TAMM41: variants seen among roughly 807,000 people sequenced by gnomAD.
The protein encoded by TAMM41 is phosphatidate cytidylyltransferase, mitochondrial.
Under a neutral mutation model 44.1 loss-of-function variants are expected in TAMM41, and 36 were observed. The observed-to-expected ratio is 0.82, with a 90% CI of 0.63 to 1.08. TAMM41 has a LOEUF of 1.08. Among genes scored for constraint, TAMM41 ranks in the 50% least tolerant of loss-of-function variants. The pLI, the probability that TAMM41 is intolerant of heterozygous loss-of-function variation, is 0.00. For synonymous variants in TAMM41, 164 were observed against 153.1 expected (o/e 1.07, Z -0.53); for missense variants, 417 against 404.3 (o/e 1.03, Z -0.27).
chr3:11,790,350 A>G, downstream of TAMM41: 1 of 723,362 alleles, frequency 1.4e-6, no homozygotes, highest in Admixed American at 2.4e-5. Context: ...TCCCAACTGG[A>G]TAAATGTCTG....
At chr3:11,771,876 C>G in the TAMM41 span, among the ~76,000 whole-genome samples, 1 of 152,054 alleles carries the variant, frequency 6.6e-6, no homozygotes, top group African/African-American at 2.4e-5. Flanking sequence ...AGCCACCACG[C>G]CCGGCCTGTT....
At chr3:11,777,928 C>T in the TAMM41 span, among the ~76,000 whole-genome samples, 3 of 152,158 alleles carry the variant, frequency 2.0e-5, no homozygotes, top group Non-Finnish European at 2.9e-5. Context: ...CCCCAAGCCC[C>T]CCATTACCCA....
rs1011855959 is a variant in TAMM41, at chr3:11,819,671, G to A, written c.563-2334C>T. 7.9e-5 allele frequency among the ~76,000 whole-genome samples: 12 copies of A among 152,068 alleles called. 2 individuals carry two copies. Among genetic ancestry groups the A allele is most frequent in the Admixed American group, 4.6e-4 (7 of 15,286 alleles). On this transcript the variant is annotated intron_variant, in intron 4 of 7. Coordinates refer to ENST00000455809, the MANE Select transcript of TAMM41 (RefSeq NM_001284401.2). ...GCACTTTGTGAGGCCAAGGCCGGGGGAATGTTTGAGCTCAGGAGTTCGAGA... is the reference window on the plus strand; with the variant it reads ...GCACTTTGTGAGGCCAAGGCCGGGGAAATGTTTGAGCTCAGGAGTTCGAGA...
intron 7 of TAMM41, among the ~76,000 whole-genome samples, chr3:11,803,193 A>T (rs2077803038): frequency 6.6e-6 from 1 of 152,070 alleles, no homozygotes; most frequent in South Asian, 2.1e-4. Flanking sequence ...AATTGCTTGA[A>T]CCCAGGAGGC....
At chr3:11,738,384 CT>C in the TAMM41 span, among the ~76,000 whole-genome samples, 1 of 152,206 alleles carries the variant, frequency 6.6e-6, no homozygotes, top group Non-Finnish European at 1.5e-5. Flanking sequence ...TAATACCCAT[CT>C]TTTAGGAAAG....
At chr3:11,749,176 G>A in the TAMM41 span, among the ~76,000 whole-genome samples, 1 of 152,114 alleles carries the variant, frequency 6.6e-6, no homozygotes, top group African/African-American at 2.4e-5. Flanking sequence ...GCCTACCAAA[G>A]TGCTGGGATT....
chr3:11,812,526 A>G (rs1379394866), intron 5 of TAMM41, among the ~76,000 whole-genome samples: 1 of 152,126 alleles, frequency 6.6e-6, no homozygotes, highest in East Asian at 1.9e-4. Context: ...ACTTGGGAAC[A>G]CTTTGCTTCC....
the TAMM41 span, among the ~76,000 whole-genome samples, chr3:11,756,016 A>G: frequency 1.3e-5 from 2 of 152,128 alleles, no homozygotes; most frequent in Admixed American, 6.5e-5. Flanking sequence ...CCTGGATTAG[A>G]ATTCCAGCTT....
At chr3:11,844,849 A>G (rs2079604921) in intron 1 of TAMM41, 1 of 451,944 alleles carries the variant, frequency 2.2e-6, no homozygotes, top group Non-Finnish European at 4.5e-6. Flanking sequence ...TAAACAAATT[A>G]TCACTACATT....
intron 3 of TAMM41, 34 bp downstream of exon 3, chr3:11,839,188 G>A: frequency 7.4e-7 from 1 of 1,359,056 alleles, no homozygotes; most frequent in Non-Finnish European, 1.0e-6. Context: ...GAGAGGAAAG[G>A]CATCCTTAAC....
chr3:11,737,781 A>G, the TAMM41 span, among the ~76,000 whole-genome samples: 1 of 152,222 alleles, frequency 6.6e-6, no homozygotes, highest in Non-Finnish European at 1.5e-5. Context: ...GAAATTAACA[A>G]TATTAACTTG....
At chr3:11,730,544 C>T in the TAMM41 span, among the ~76,000 whole-genome samples, 1 of 152,032 alleles carries the variant, frequency 6.6e-6, no homozygotes, top group Non-Finnish European at 1.5e-5. Context: ...ACCAGCCTGG[C>T]CAGCATAGTG....
At chr3:11,808,263 A>G in intron 6 of TAMM41, 1 of 1,067,212 alleles carries the variant, frequency 9.4e-7, no homozygotes, top group Non-Finnish European at 1.1e-6. Flanking sequence ...CCAAATGATT[A>G]CATCTACGAG....
chr3:11,792,986 G>A (rs1210418231), intron 7 of TAMM41, among the ~76,000 whole-genome samples: 5 of 147,760 alleles, frequency 3.4e-5, no homozygotes, highest in Admixed American at 1.4e-4. Context: ...GCTTGAGCCC[G>A]GGAAGCGGAG....
intron 7 of TAMM41, among the ~76,000 whole-genome samples, chr3:11,794,392 C>G (rs1461148637): frequency 6.6e-6 from 1 of 152,084 alleles, no homozygotes; most frequent in African/African-American, 2.4e-5. Flanking sequence ...CCCACCTTAG[C>G]CTCCCAAAGT....
At chr3:11,754,166 T>C in the TAMM41 span, among the ~76,000 whole-genome samples, 1 of 151,928 alleles carries the variant, frequency 6.6e-6, no homozygotes, top group Non-Finnish European at 1.5e-5. Context: ...GGCAGGACCC[T>C]CTGTCTGTAT....
At chr3:11,840,987 A>G (rs1013006481) in intron 2 of TAMM41, among the ~76,000 whole-genome samples, 17 of 152,092 alleles carry the variant, frequency 1.1e-4, no homozygotes, top group Non-Finnish European at 2.4e-4. Context: ...GACTATTTCA[A>G]ACACTTTTGT....
intron 7 of TAMM41, among the ~76,000 whole-genome samples, chr3:11,799,314 G>C (rs1290868576): frequency 6.6e-6 from 1 of 152,176 alleles, no homozygotes; most frequent in South Asian, 2.1e-4. Context: ...TGGTGAGGCA[G>C]GCATAATTAT....
the TAMM41 span, among the ~76,000 whole-genome samples, chr3:11,768,700 T>C: frequency 4.6e-5 from 7 of 152,230 alleles, no homozygotes; most frequent in African/African-American, 9.6e-5. Context: ...TTCTGACTTA[T>C]CCAAATGGTT....
Sources: gnomAD v4.1 joint callset for allele counts (sites outside exome capture counted in the v4.1 genomes callset) on GRCh38, gnomAD v4.1.1 for gene constraint, MANE v1.5 for transcripts, NCBI Gene and HGNC (gene_info 2026-07-23, HGNC 2026-07-21) for gene names.